NMRK1: variants seen among roughly 807,000 people sequenced by gnomAD.
NMRK1 encodes the protein NRK 1.
In NMRK1, 28 loss-of-function variants were observed where a neutral mutation model predicts 29.9. The observed-to-expected ratio is 0.94, with a 90% CI of 0.69 to 1.28. The LOEUF is 1.28. NMRK1 is among the 50% of genes most tolerant of loss of function. The pLI is 0.00. For synonymous variants in NMRK1, 58 were observed against 73.0 expected (o/e 0.79, Z 1.05); for missense variants, 218 against 233.1 (o/e 0.94, Z 0.42).
At chr9:75,082,944 C>T (rs1824401297) in intron 2 of NMRK1, 143 bp downstream of exon 2, 2 of 663,904 alleles carry the variant, frequency 3.0e-6, no homozygotes, top group Non-Finnish European at 2.7e-6. Flanking sequence ...GAAGCCAGTG[C>T]TCCACTGATA....
chr9:75,062,858 C>T (rs1458127168), intron 8 of NMRK1, among the ~76,000 whole-genome samples: 1 of 152,080 alleles, frequency 6.6e-6, no homozygotes, highest in Non-Finnish European at 1.5e-5. Context: ...ATAGCAAAAC[C>T]CCGTCTTAAC....
intron 8 of NMRK1, 48 bp from the exon 9 acceptor site, chr9:75,061,615 T>C (rs1233595119): frequency 6.2e-6 from 9 of 1,452,218 alleles, no homozygotes; most frequent in African/African-American, 4.2e-5. Flanking sequence ...CCAATTCTCA[T>C]TTTATTAAAT....
At chr9:75,070,567 C>T (rs1415840588) in intron 4 of NMRK1, among the ~76,000 whole-genome samples, 1 of 152,142 alleles carries the variant, frequency 6.6e-6, no homozygotes, top group East Asian at 1.9e-4. Flanking sequence ...TAAAAATGTA[C>T]ATACTTCTCG....
At chr9:75,078,549 T>C in intron 2 of NMRK1, 1 of 1,279,672 alleles carries the variant, frequency 7.8e-7, no homozygotes, top group South Asian at 2.9e-5. Context: ...ATTCAGTCAT[T>C]TATTGAAAGC....
In NMRK1 at chr9:75,083,166, CA is replaced by C. The variant is rs748645594; in HGVS notation, c.-35-17del. 13 of 1,273,546 alleles carry C rather than the reference CA, an allele frequency of 1.0e-5. No individual in the cohort carries two copies. In the Admixed American group the frequency reaches 2.0e-4, roughly 20 times the overall value. The allele number at this position is 1,273,546 out of a possible 1,614,324, so 78.9% of individuals were successfully genotyped here. A position where few individuals can be genotyped will look rare whatever the true frequency, so the allele number is the denominator to read the frequency against. ...CTAATATTTCCTAAAAGTAAAAAAA[CA>C]AACAAACAAATCAAATGCATTTCAT... On this transcript the variant is annotated splice_polypyrimidine_tract_variant and intron_variant, in intron 1 of 8. Transcript: ENST00000361092.
At chr9:75,071,012 G>C (rs1823666632) in intron 4 of NMRK1, among the ~76,000 whole-genome samples, 1 of 151,266 alleles carries the variant, frequency 6.6e-6, no homozygotes, top group African/African-American at 2.4e-5. Flanking sequence ...TATTTAATCT[G>C]GGGATTGCTC....
At chr9:75,086,464 T>C (rs760982021) in intron 1 of NMRK1, among the ~76,000 whole-genome samples, 12 of 152,270 alleles carry the variant, frequency 7.9e-5, no homozygotes, top group Non-Finnish European at 1.8e-4. Flanking sequence ...GAGAACAAAC[T>C]AGGATAGCCA....
chr9:75,076,583 T>C (rs1824001046), intron 4 of NMRK1, among the ~76,000 whole-genome samples: 1 of 152,204 alleles, frequency 6.6e-6, no homozygotes, highest in South Asian at 2.1e-4. Context: ...AGTTTTATTA[T>C]TTCATTTTAA....
At chr9:75,063,634 T>C (rs1823169293) in intron 8 of NMRK1, among the ~76,000 whole-genome samples, 1 of 152,198 alleles carries the variant, frequency 6.6e-6, no homozygotes, top group Non-Finnish European at 1.5e-5. Context: ...ATTATTACCT[T>C]ATCATAATTA....
In NMRK1 at chr9:75,077,146, T is replaced by C. The variant is rs1368444173; in HGVS notation, c.169+13A>G. On this transcript the variant is annotated intron_variant, in intron 4 of 8. Coordinates refer to ENST00000361092, the MANE Select transcript of NMRK1 (RefSeq NM_017881.3). ...ACATAAGCATATAATATTTGACAAG[T>C]AAATCTACTTACCATCGTACTGCAA... 6.7e-7 allele frequency: 1 copy of C among 1,488,150 alleles called. No homozygotes were observed. The highest frequency in any genetic ancestry group is 1.2e-5 in the South Asian group (1 of 85,754). The allele number at this position is 1,488,150 out of a possible 1,614,324, so 92.2% of individuals were successfully genotyped here. A position where few individuals can be genotyped will look rare whatever the true frequency, so the allele number is the denominator to read the frequency against.
chr9:75,083,857 T>A (rs1308378490), intron 1 of NMRK1, among the ~76,000 whole-genome samples: 3 of 150,302 alleles, frequency 2.0e-5, no homozygotes, highest in African/African-American at 7.5e-5. Context: ...ATTTTCACAA[T>A]TTTTTTTGAT....
At chr9:75,087,668 G>A (rs1022458336) in intron 1 of NMRK1, 3 of 151,902 alleles carry the variant, frequency 2.0e-5, no homozygotes, top group African/African-American at 4.8e-5. Context: ...GGCAGCAGGC[G>A]GGCAGTAGGT....
intron 1 of NMRK1, among the ~76,000 whole-genome samples, chr9:75,085,965 A>T (rs1824604755): frequency 1.3e-5 from 2 of 151,236 alleles, no homozygotes; most frequent in South Asian, 4.2e-4. Flanking sequence ...CCCTGAAGGC[A>T]TTTATTTCAA....
chr9:75,087,062 C>G (rs988393094), intron 1 of NMRK1, among the ~76,000 whole-genome samples: 8 of 152,048 alleles, frequency 5.3e-5, no homozygotes, highest in Non-Finnish European at 7.4e-5. Context: ...TCTGCCACCA[C>G]GCCCGGCTAA....
At position 75,061,395 on chromosome 9, in the gene NMRK1, C is replaced by A; in HGVS notation, c.*153G>T. 1.5e-6 allele frequency: 1 copy of A among 656,746 alleles called. No homozygotes were observed. 40.7% of individuals were successfully genotyped at this position (656,746 alleles called of 1,614,324 possible). ...CCATTGGCATGGATATTTATTGTTC[C>A]ACATGTTGGGAAAACCATGTGCAAT... is the stretch of plus-strand genomic sequence containing the variant. On this transcript the variant is annotated 3_prime_UTR_variant, in exon 9 of 9. Transcript: ENST00000361092.
At chr9:75,062,805 A>G (rs11144212) in intron 8 of NMRK1, among the ~76,000 whole-genome samples, 21,004 of 152,192 alleles carry the variant, frequency 0.14, 1,811 homozygotes, top group Non-Finnish European at 0.19. Context: ...GCCAAGGCAG[A>G]CGGATTACCT....
chr9:75,086,069 T>TA (rs1160490122), intron 1 of NMRK1, among the ~76,000 whole-genome samples: 1 of 151,872 alleles, frequency 6.6e-6, no homozygotes, highest in Non-Finnish European at 1.5e-5. Flanking sequence ...TTTCATTGCC[T>TA]GTTGCCCCTA....
At chr9:75,087,170 G>A (rs1564145965) in intron 1 of NMRK1, among the ~76,000 whole-genome samples, 1 of 152,122 alleles carries the variant, frequency 6.6e-6, no homozygotes, top group South Asian at 2.1e-4. Context: ...CTCCCAAAGT[G>A]CTGGGATTAC....
At chr9:75,080,728 G>T (rs939091966) in intron 2 of NMRK1, among the ~76,000 whole-genome samples, 2 of 152,192 alleles carry the variant, frequency 1.3e-5, no homozygotes, top group African/African-American at 4.8e-5. Context: ...GCTCATGAAG[G>T]GTTTGGTGCC....
Sources: gnomAD v4.1 joint callset for allele counts (sites outside exome capture counted in the v4.1 genomes callset) on GRCh38, gnomAD v4.1.1 for gene constraint, MANE v1.5 for transcripts, NCBI Gene and HGNC (gene_info 2026-07-23, HGNC 2026-07-21) for gene names.